Variants in BDNF observed in about 807,000 individuals in gnomAD.
BDNF encodes the protein brain derived neurotrophic factor.
A neutral mutation model predicts 19.5 loss-of-function variants in BDNF; 1 was observed. The observed-to-expected ratio is 0.05, with a 90% CI of 0.02 to 0.24. The LOEUF (loss-of-function observed/expected upper bound fraction) is 0.24, where lower values mean the gene tolerates loss of function less well. Among genes scored for constraint, BDNF ranks in the 10% least tolerant of loss-of-function variants. BDNF has a pLI of 1.00. For missense variants in BDNF, 195 were observed against 317.6 expected, an observed-to-expected ratio of 0.61 and a Z score of 2.93; for synonymous variants, 100 against 121.6, an observed-to-expected ratio of 0.82 and a Z score of 1.17.
intron 1 of BDNF, chr11:27,659,326 C>G (rs1469635031): frequency 3.0e-6 from 3 of 1,000,098 alleles, no homozygotes; most frequent in East Asian, 1.1e-4. Flanking sequence ...TTATTCTACA[C>G]CTGGGTGGTC....
At chr11:27,681,879 A>G (rs1299862437) in intron 1 of BDNF, among the ~76,000 whole-genome samples, 2 of 152,184 alleles carry the variant, frequency 1.3e-5, no homozygotes, top group Non-Finnish European at 2.9e-5. Context: ...TGAGATACAG[A>G]GAATTTAAAT....
chr11:27,687,250 G>A (rs1857599868), intron 1 of BDNF, among the ~76,000 whole-genome samples: 1 of 152,094 alleles, frequency 6.6e-6, no homozygotes, highest in Non-Finnish European at 1.5e-5. Context: ...GTGTTTTTCA[G>A]CTCCATTAGG....
chr11:27,692,116 A>T (rs1269979775), intron 1 of BDNF, among the ~76,000 whole-genome samples: 1 of 152,202 alleles, frequency 6.6e-6, no homozygotes, highest in Non-Finnish European at 1.5e-5. Context: ...GGGATTTCTG[A>T]TACTCAATTC....
chr11:27,659,097 A>G, intron 1 of BDNF: 1 of 1,012,108 alleles, frequency 9.9e-7, no homozygotes, highest in Non-Finnish European at 1.2e-6. Flanking sequence ...TCTAGGCATG[A>G]ATAGCACAAT....
chr11:27,701,393 C>T, upstream of BDNF: 1 of 1,034,350 alleles, frequency 9.7e-7, no homozygotes, highest in Non-Finnish European at 1.2e-6. Context: ...TTTTCACGTT[C>T]CCTTCGCTTA....
chr11:27,714,784 A>C (rs1860454506), intron 1 of BDNF, among the ~76,000 whole-genome samples: 1 of 152,242 alleles, frequency 6.6e-6, no homozygotes, highest in South Asian at 2.1e-4. Context: ...ACGGAAGTGG[A>C]ATTTAGAGTT....
chr11:27,700,790 G>A (rs374126936), upstream of BDNF: 1 of 1,203,044 alleles, frequency 8.3e-7, no homozygotes, highest in Non-Finnish European at 1.1e-6. Flanking sequence ...CAGCCCCGGG[G>A]AACCCCGCGT....
intron 1 of BDNF, among the ~76,000 whole-genome samples, chr11:27,694,816 A>G (rs1484099584): frequency 1.3e-5 from 2 of 152,138 alleles, no homozygotes; most frequent in Non-Finnish European, 2.9e-5. Flanking sequence ...TACTCAAATT[A>G]TTTGGTGTTA....
chr11:27,659,559 G>A lies in BDNF; in HGVS notation c.-21-974C>T, dbSNP rs375487206. On this transcript the variant is annotated intron_variant, in intron 1 of 1. Coordinates refer to ENST00000356660, the MANE Select transcript of BDNF (RefSeq NM_001709.5). ...AGTTCTCTAAAACCCTTCACTCCTTGGCTTTTTCTGGCTAATACACACATC... is the reference window on the plus strand; with the variant it reads ...AGTTCTCTAAAACCCTTCACTCCTTAGCTTTTTCTGGCTAATACACACATC... 1.7e-5 allele frequency: 17 copies of A among 1,000,118 alleles called. 1 individual carries two copies. The African/African-American group carries it at 3.0e-4, about 17-fold the overall frequency. 62.0% of individuals were successfully genotyped at this position (1,000,118 alleles called of 1,614,324 possible). A position where few individuals can be genotyped will look rare whatever the true frequency, so the allele number is the denominator to read the frequency against.
In BDNF at chr11:27,655,348, A is replaced by G. The variant is rs2133763658; in HGVS notation, c.*2473T>C. ...GTGACTGTGATGTATCTTATTGGGT[A>G]AAAGAGCCACTGACCACACAATTGC... On this transcript the variant is annotated 3_prime_UTR_variant, in exon 2 of 2. Transcript: ENST00000356660. 1 of 152,742 alleles carries G rather than the reference A, an allele frequency of 6.5e-6. No individual in the cohort carries two copies. Among genetic ancestry groups the G allele is most frequent in the Admixed American group, 6.5e-5 (1 of 15,306 alleles). 9.5% of individuals were successfully genotyped at this position (152,742 alleles called of 1,614,324 possible). A position where few individuals can be genotyped will look rare whatever the true frequency, so the allele number is the denominator to read the frequency against.
intron 1 of BDNF, chr11:27,720,343 T>C: frequency 2.0e-6 from 2 of 985,814 alleles, no homozygotes; most frequent in Non-Finnish European, 2.4e-6. Context: ...CCCTGGTGCT[T>C]ACCTTCTTTG....
chr11:27,692,281 A>T (rs1313089295), intron 1 of BDNF, among the ~76,000 whole-genome samples: 4 of 152,102 alleles, frequency 2.6e-5, no homozygotes, highest in Non-Finnish European at 4.4e-5. Flanking sequence ...CCTTACTCCA[A>T]CCTCCCATTT....
intron 1 of BDNF, among the ~76,000 whole-genome samples, chr11:27,706,241 G>T (rs554106551): frequency 6.6e-6 from 1 of 152,166 alleles, no homozygotes; most frequent in Non-Finnish European, 1.5e-5. Context: ...ATTTTTGTTT[G>T]AGGCAAATAA....
intron 1 of BDNF, among the ~76,000 whole-genome samples, chr11:27,716,748 C>A (rs2134112720): frequency 6.6e-6 from 1 of 152,040 alleles, no homozygotes; most frequent in African/African-American, 2.4e-5. Context: ...TAATTAAAAC[C>A]AAAGAGTAGC....
At chr11:27,686,757 T>C (rs911120159) in intron 1 of BDNF, among the ~76,000 whole-genome samples, 4 of 152,154 alleles carry the variant, frequency 2.6e-5, no homozygotes, top group Non-Finnish European at 4.4e-5. Flanking sequence ...GCTTGTAGGG[T>C]TTCTGCTGAG....
rs1852398155 is a variant in BDNF, at chr11:27,655,112, C to T, written c.*2709G>A. The T allele has an allele frequency of 6.6e-6, 1 of 151,596 alleles. No homozygotes were observed. The highest frequency in any genetic ancestry group is 2.1e-4 in the South Asian group (1 of 4,802). The allele number at this position is 151,596 out of a possible 1,614,324, so 9.4% of individuals were successfully genotyped here. On this transcript the variant is annotated 3_prime_UTR_variant, in exon 2 of 2. Transcript: ENST00000356660. Reference sequence around the variant, plus strand: ...TTTACATGGTGAATAATATCTTTACCATAGAGAGAACAAGGCCACAGACAT... The same window carrying T: ...TTTACATGGTGAATAATATCTTTACTATAGAGAGAACAAGGCCACAGACAT...
intron 1 of BDNF, among the ~76,000 whole-genome samples, chr11:27,718,987 A>G (rs1357018865): frequency 6.6e-6 from 1 of 152,098 alleles, no homozygotes; most frequent in Non-Finnish European, 1.5e-5. Context: ...GCCGGAACAA[A>G]AGGCCTGAGA....
chr11:27,672,000 T>C (rs1332239216), intron 1 of BDNF, among the ~76,000 whole-genome samples: 1 of 152,240 alleles, frequency 6.6e-6, no homozygotes, highest in African/African-American at 2.4e-5. Context: ...CGGTTACCTG[T>C]CATCTTTCCT....
At chr11:27,674,040 A>T in intron 1 of BDNF, 1 of 1,569,294 alleles carries the variant, frequency 6.4e-7, no homozygotes, top group Non-Finnish European at 8.7e-7. Flanking sequence ...AGAGAAGGCT[A>T]TTAGCTCTCT....
Sources: gnomAD v4.1 joint callset for allele counts (sites outside exome capture counted in the v4.1 genomes callset) on GRCh38, gnomAD v4.1.1 for gene constraint, MANE v1.5 for transcripts, NCBI Gene and HGNC (gene_info 2026-07-23, HGNC 2026-07-21) for gene names.